The following ARHGAP10 variants were observed in gnomAD, a reference collection of about 807,000 sequenced individuals.
ARHGAP10 encodes the protein rho GTPase-activating protein 10.
ARHGAP10 carries 87 observed loss-of-function variants against 108.6 expected under a neutral mutation model. That is an observed-to-expected ratio of 0.80 (90% CI 0.67 to 0.96). The LOEUF (loss-of-function observed/expected upper bound fraction) is 0.96. Among genes scored for constraint, ARHGAP10 ranks in the 40% least tolerant of loss-of-function variants. The probability of loss-of-function intolerance (pLI) is 0.00; values close to 1 mark genes in which losing one functional copy is unlikely to be tolerated. For missense variants in ARHGAP10, 939 were observed against 954.5 expected (o/e 0.98, Z 0.21); for synonymous variants, 347 against 341.1 (o/e 1.02, Z -0.19).
chr4:147,735,711 A>AG (rs1168614011), intron 1 of ARHGAP10, among the ~76,000 whole-genome samples: 2 of 152,074 alleles, frequency 1.3e-5, no homozygotes, highest in Non-Finnish European at 2.9e-5. Context: ...GGATAGCGCT[A>AG]GGGGTGGGGA....
chr4:148,072,565 G>T lies in ARHGAP10; in HGVS notation c.*484G>T. On this transcript the variant is annotated 3_prime_UTR_variant, in exon 23 of 23. Transcript: ENST00000336498. ...TGGAGAAGCTGCTGTTGGTGCAAGG[G>T]AGATGGTCTCAAGTCAGAGGGAAGC... 6.5e-6 allele frequency: 1 copy of T among 153,626 alleles called. No individual in the cohort carries two copies. The highest frequency in any genetic ancestry group is 1.4e-5 in the Non-Finnish European group (1 of 69,086). The allele number at this position is 153,626 out of a possible 1,614,324, so 9.5% of individuals were successfully genotyped here. A position where few individuals can be genotyped will look rare whatever the true frequency, so the allele number is the denominator to read the frequency against.
At chr4:148,059,089 T>TA in intron 20 of ARHGAP10, among the ~76,000 whole-genome samples, 1 of 152,234 alleles carries the variant, frequency 6.6e-6, no homozygotes. Context: ...GAAACACTCT[T>TA]GTTTCTATTT....
At chr4:147,972,256 A>G (rs180790293) in intron 18 of ARHGAP10, among the ~76,000 whole-genome samples, 4 of 152,316 alleles carry the variant, frequency 2.6e-5, no homozygotes, top group Admixed American at 2.6e-4. Flanking sequence ...CTTTGGGTCT[A>G]CTATAAAGGG....
At chr4:147,939,710 A>G (rs533871383) in intron 13 of ARHGAP10, 115 bp from the exon 14 acceptor site, 5 of 894,600 alleles carry the variant, frequency 5.6e-6, no homozygotes, top group East Asian at 4.9e-5. Flanking sequence ...GGTTATTTTT[A>G]TAGTTAACAG....
chr4:147,915,329 G>A lies in ARHGAP10; in HGVS notation c.1228+2190G>A, dbSNP rs1013952204. On this transcript the variant is annotated intron_variant, in intron 13 of 22. Transcript: ENST00000336498. ...AATTTGTTTCTTATCCTGGTACCTC[G>A]AAAGAATTTCAGAAAAAATCCCTGC... Among the ~76,000 whole-genome samples, 7 of 152,248 alleles carry A rather than the reference G, an allele frequency of 4.6e-5. No individual in the cohort carries two copies. The East Asian group carries it at 1.4e-3, about 29-fold the overall frequency.
chr4:147,772,170 G>A (rs946163981), intron 1 of ARHGAP10, among the ~76,000 whole-genome samples: 5 of 152,162 alleles, frequency 3.3e-5, no homozygotes, highest in Non-Finnish European at 5.9e-5. Flanking sequence ...GCACTGGGAC[G>A]TGCCATCTCC....
At chr4:147,973,771 T>A (rs1330994243) in intron 18 of ARHGAP10, among the ~76,000 whole-genome samples, 1 of 152,212 alleles carries the variant, frequency 6.6e-6, no homozygotes, top group Non-Finnish European at 1.5e-5. Context: ...CTCCCACAAA[T>A]AAGGGAGAAC....
chr4:147,785,229 G>A (rs919850732), intron 1 of ARHGAP10, among the ~76,000 whole-genome samples: 1 of 151,738 alleles, frequency 6.6e-6, no homozygotes, highest in Non-Finnish European at 1.5e-5. Context: ...AAAATCACAA[G>A]GCTGTAGTTT....
intron 1 of ARHGAP10, among the ~76,000 whole-genome samples, chr4:147,758,506 T>C (rs1385781664): frequency 1.3e-5 from 2 of 152,114 alleles, no homozygotes; most frequent in Non-Finnish European, 2.9e-5. Flanking sequence ...CCCTTTTGGC[T>C]AATACTTTTT....
At chr4:148,050,496 C>A (rs189619036) in intron 20 of ARHGAP10, among the ~76,000 whole-genome samples, 292 of 151,818 alleles carry the variant, frequency 1.9e-3, no homozygotes, top group Non-Finnish European at 3.0e-3. Context: ...GCCTCAGCCT[C>A]CCGAGTGGCT....
chr4:147,972,291 G>A (rs1739441504), intron 18 of ARHGAP10, among the ~76,000 whole-genome samples: 1 of 152,086 alleles, frequency 6.6e-6, no homozygotes, highest in Admixed American at 6.5e-5. Context: ...TAGTGTATGA[G>A]GATGCTTCTT....
intron 18 of ARHGAP10, among the ~76,000 whole-genome samples, chr4:148,000,753 C>T (rs375500924): frequency 8.5e-5 from 13 of 152,272 alleles, no homozygotes; most frequent in African/African-American, 2.4e-4. Flanking sequence ...TCGTATCCTT[C>T]GCCCGCTTTG....
intron 20 of ARHGAP10, among the ~76,000 whole-genome samples, chr4:148,062,759 A>G (rs1729677080): frequency 6.6e-6 from 1 of 152,162 alleles, no homozygotes; most frequent in South Asian, 2.1e-4. Flanking sequence ...GATCTTTTGC[A>G]GCTGCCGGTC....
intron 4 of ARHGAP10, among the ~76,000 whole-genome samples, chr4:147,855,625 TA>T (rs576365737): frequency 2.4e-4 from 37 of 151,822 alleles, no homozygotes; most frequent in Admixed American, 5.9e-4. Context: ...ATGAGGCAGT[TA>T]AAGAAAAGTC....
At chr4:147,837,002 G>A (rs1272118983) in intron 3 of ARHGAP10, among the ~76,000 whole-genome samples, 2 of 152,154 alleles carry the variant, frequency 1.3e-5, no homozygotes, top group African/African-American at 4.8e-5. Context: ...TTTCCGTGCT[G>A]GAGGGCCCTC....
chr4:147,733,734 A>T (rs1728316789), intron 1 of ARHGAP10, among the ~76,000 whole-genome samples: 1 of 152,172 alleles, frequency 6.6e-6, no homozygotes, highest in African/African-American at 2.4e-5. Context: ...GTTGAAGTAC[A>T]TTTCTGTGGG....
chr4:147,937,389 T>C (rs1737996715), intron 13 of ARHGAP10, among the ~76,000 whole-genome samples: 1 of 152,202 alleles, frequency 6.6e-6, no homozygotes, highest in South Asian at 2.1e-4. Context: ...ATTACTTTTT[T>C]TTTCAAGACC....
chr4:147,819,974 G>T (rs1028743954), intron 1 of ARHGAP10, among the ~76,000 whole-genome samples: 5 of 152,158 alleles, frequency 3.3e-5, no homozygotes, highest in Non-Finnish European at 5.9e-5. Context: ...GTGACAATGC[G>T]CAAATATTGA....
In ARHGAP10 at chr4:147,771,827, T is replaced by G. The variant is rs28454186; in HGVS notation, c.154+39372T>G. On this transcript the variant is annotated intron_variant, in intron 1 of 22. Coordinates refer to ENST00000336498, the MANE Select transcript of ARHGAP10 (RefSeq NM_024605.4). ...TCTTTTCTTGAGATGGAGTCTTGCC[T>G]TGTCACCAGGCTGTAGTGCAGTGGT... 9.9e-3 allele frequency among the ~76,000 whole-genome samples: 1,508 copies of G among 152,290 alleles called. 17 individuals are homozygous for G. The highest frequency in any genetic ancestry group is 0.035 in the African/African-American group (1,436 of 41,560).
Sources: allele counts gnomAD v4.1 joint callset (sites outside exome capture counted in the v4.1 genomes callset), GRCh38; gene constraint gnomAD v4.1.1; transcripts MANE v1.5; gene names NCBI Gene and HGNC (gene_info 2026-07-23, HGNC 2026-07-21).